The following ROPN1B variants were observed in gnomAD, a reference collection of about 807,000 sequenced individuals.
ROPN1B encodes the protein rhophilin associated tail protein 1B.
Under a neutral mutation model 23.7 loss-of-function variants are expected in ROPN1B, and 13 were observed. The observed-to-expected ratio is 0.55, with a 90% CI of 0.36 to 0.87. The LOEUF (loss-of-function observed/expected upper bound fraction) is 0.87, where lower values mean the gene tolerates loss of function less well. Among genes scored for constraint, ROPN1B ranks in the 40% least tolerant of loss-of-function variants. ROPN1B has a pLI of 0.01. For synonymous variants in ROPN1B, 67 were observed against 100.4 expected (o/e 0.67, Z 1.99); for missense variants, 183 against 249.2 (o/e 0.73, Z 1.79).
Position 125,983,287 on chromosome 3 carries a change from CTT to C in ROPN1B, c.608_609del (p.Phe203TyrfsTer18). ...GPDGLITVND[F>X]TQNPRVWLE ...CTGATGGTTTAATCACGGTGAATGA[CTT>C]TACCCAAAACCCCAGGGTTTGGCTG... On this transcript the variant is annotated frameshift_variant, in exon 7 of 7. Transcript: ENST00000514116. LOFTEE classifies it high-confidence loss of function. 6.2e-7 allele frequency: 1 copy of C among 1,613,778 alleles called. No homozygotes were observed. The highest frequency in any genetic ancestry group is 1.1e-5 in the South Asian group (1 of 91,058).
At chr3:125,979,314 G>A (rs141506854) in intron 5 of ROPN1B, among the ~76,000 whole-genome samples, 339 of 152,212 alleles carry the variant, frequency 2.2e-3, no homozygotes, top group Non-Finnish European at 3.6e-3. Context: ...CTTAAATGTG[G>A]GGTTGGTCAG....
intron 5 of ROPN1B, among the ~76,000 whole-genome samples, chr3:125,980,388 A>T (rs1245254308): frequency 1.3e-5 from 2 of 152,132 alleles, no homozygotes; most frequent in Non-Finnish European, 2.9e-5. Context: ...GAACAACAGA[A>T]ATTTGTTGTC....
At chr3:125,971,912 A>G (rs145882895) in intron 2 of ROPN1B, 131 bp from the exon 3 acceptor site, 1 of 702,094 alleles carries the variant, frequency 1.4e-6, no homozygotes, top group Non-Finnish European at 2.3e-6. Context: ...TTGTGTAACA[A>G]TAGAATGCAT....
At chr3:125,975,902 T>C (rs1464990638) in intron 4 of ROPN1B, among the ~76,000 whole-genome samples, 1 of 152,236 alleles carries the variant, frequency 6.6e-6, no homozygotes, top group Non-Finnish European at 1.5e-5. Flanking sequence ...CCAGATTTCC[T>C]TGAAGCTGGC....
At chr3:125,977,918 C>T (rs1180429335) in intron 5 of ROPN1B, 1 of 152,306 alleles carries the variant, frequency 6.6e-6, no homozygotes, top group African/African-American at 2.4e-5. Context: ...AAAATAATTG[C>T]CTCTGCCAAA....
intron 5 of ROPN1B, among the ~76,000 whole-genome samples, chr3:125,978,938 T>G (rs531425102): frequency 6.6e-6 from 1 of 152,302 alleles, no homozygotes; most frequent in Non-Finnish European, 1.5e-5. Context: ...TTTCTTCTGA[T>G]GTACCTGCCT....
At chr3:125,982,698 A>C (rs1938650443) in intron 6 of ROPN1B, among the ~76,000 whole-genome samples, 1 of 152,222 alleles carries the variant, frequency 6.6e-6, no homozygotes. Flanking sequence ...AGAAATGCAG[A>C]ATCTCAGGCT....
chr3:125,974,458 G>A lies in ROPN1B; in HGVS notation c.117-1105G>A, dbSNP rs1391072043. On this transcript the variant is annotated intron_variant, in intron 3 of 6. Transcript: ENST00000514116. The stretch of plus-strand genomic sequence containing the variant: ...ATTGTATGGCTTGACCCTAAAGTGG[G>A]CTTTTACAAAATTCCCTCTATATTA... 7.2e-4 allele frequency among the ~76,000 whole-genome samples: 110 copies of A among 152,288 alleles called. 1 individual carries two copies. The highest frequency in any genetic ancestry group is 1.4e-3 in the Non-Finnish European group (93 of 68,030).
chr3:125,972,378 G>A (rs1938247640), intron 3 of ROPN1B: 6 of 596,186 alleles, frequency 1.0e-5, no homozygotes, highest in Middle Eastern at 3.1e-4. Flanking sequence ...TCCCCTAAGC[G>A]AGCCAGATTG....
At chr3:125,983,219 A>G in intron 6 of ROPN1B, 35 bp from the exon 7 acceptor site, 1 of 1,419,834 alleles carries the variant, frequency 7.0e-7, no homozygotes, top group Non-Finnish European at 9.9e-7. Context: ...TTAACTGTCA[A>G]TGAACTAACT....
At chr3:125,977,491 C>T (rs1938462253) in intron 5 of ROPN1B, 4 of 401,698 alleles carry the variant, frequency 1.0e-5, no homozygotes, top group Non-Finnish European at 1.4e-5. Flanking sequence ...AACCAAGAGC[C>T]GACTGTAGAA....
chr3:125,979,913 T>C (rs1938554149), intron 5 of ROPN1B, among the ~76,000 whole-genome samples: 1 of 152,234 alleles, frequency 6.6e-6, no homozygotes, highest in Non-Finnish European at 1.5e-5. Context: ...CAGACCTGTA[T>C]TCCTCCCCCC....
chr3:125,971,903 T>G (rs1938220322), intron 2 of ROPN1B, 140 bp from the exon 3 acceptor site: 8 of 639,994 alleles, frequency 1.3e-5, no homozygotes, highest in East Asian at 1.1e-4. Context: ...ACCTTGCCGT[T>G]GTGTAACAAT....
In ROPN1B at chr3:125,981,219, C is replaced by G. The variant is rs142604090; in HGVS notation, c.397-1051C>G. Among the ~76,000 whole-genome samples the G allele has an allele frequency of 8.6e-3, 1,302 of 152,232 alleles. 23 individuals carry two copies. Among genetic ancestry groups the G allele is most frequent in the African/African-American group, 0.03 (1,257 of 41,534 alleles). ...AAGAGTTTATTCACATCCTCAGTAC[C>G]TCCTGACATAGACTTATGCTCCTGG... On this transcript the variant is annotated intron_variant, in intron 5 of 6. Coordinates refer to ENST00000514116, the MANE Select transcript of ROPN1B (RefSeq NM_001308313.2).
chr3:125,979,146 C>T (rs1358370089), intron 5 of ROPN1B, among the ~76,000 whole-genome samples: 1 of 152,164 alleles, frequency 6.6e-6, no homozygotes, highest in African/African-American at 2.4e-5. Flanking sequence ...TCTAAGAGGC[C>T]TTGACATATC....
intron 3 of ROPN1B, chr3:125,973,521 T>C (rs1469330393): frequency 5.9e-6 from 1 of 169,578 alleles, no homozygotes; most frequent in Non-Finnish European, 1.3e-5. Context: ...GACTTTATCT[T>C]ATACGTTAGT....
Position 125,983,347 on chromosome 3 carries a change from A to G in ROPN1B, c.*27A>G, listed in dbSNP as rs1938676062. On this transcript the variant is annotated 3_prime_UTR_variant, in exon 7 of 7. Transcript: ENST00000514116. Reference sequence around the variant, plus strand: ...AGCACAATTTTGGCAATTTTAAAGGAAGATACAGAGGTGATTGTACTTCAG... The same window carrying G: ...AGCACAATTTTGGCAATTTTAAAGGGAGATACAGAGGTGATTGTACTTCAG... 2 of 1,522,076 alleles carry G rather than the reference A, an allele frequency of 1.3e-6. No individual in the cohort carries two copies. The highest frequency in any genetic ancestry group is 2.2e-5 in the South Asian group (2 of 89,110). 94.3% of individuals were successfully genotyped at this position (1,522,076 alleles called of 1,614,324 possible).
At chr3:125,980,381 C>T (rs1007380407) in intron 5 of ROPN1B, among the ~76,000 whole-genome samples, 3 of 152,160 alleles carry the variant, frequency 2.0e-5, no homozygotes, top group Admixed American at 6.5e-5. Context: ...GTGGCTTGAA[C>T]AACAGAAATT....
At chr3:125,980,047 T>A (rs1270438396) in intron 5 of ROPN1B, among the ~76,000 whole-genome samples, 1 of 152,234 alleles carries the variant, frequency 6.6e-6, no homozygotes, top group African/African-American at 2.4e-5. Context: ...GACTTTTTTT[T>A]AGCAAATTAT....
Sources: allele counts gnomAD v4.1 joint callset (sites outside exome capture counted in the v4.1 genomes callset), GRCh38; gene constraint gnomAD v4.1.1; transcripts MANE v1.5; gene names NCBI Gene and HGNC (gene_info 2026-07-23, HGNC 2026-07-21).